NDST3: variants seen among roughly 807,000 people sequenced by gnomAD.
NDST3 encodes the protein bifunctional heparan sulfate N-deacetylase/N-sulfotransferase 3.
Under a neutral mutation model 96.1 loss-of-function variants are expected in NDST3, and 58 were observed. The observed-to-expected ratio is 0.60, with a 90% CI of 0.49 to 0.75. The LOEUF (loss-of-function observed/expected upper bound fraction) is 0.75, where lower values mean the gene tolerates loss of function less well. NDST3 is among the 30% of genes least tolerant of loss of function. The probability of loss-of-function intolerance (pLI) is 0.00; values close to 1 mark genes in which losing one functional copy is unlikely to be tolerated. For missense variants in NDST3, 788 were observed against 1,034.2 expected (o/e 0.76, Z 3.27); for synonymous variants, 333 against 359.7 (o/e 0.93, Z 0.84).
At position 118,232,995 on chromosome 4, in the gene NDST3, C is replaced by A; in HGVS notation, c.1820-17C>A. ...GTTTTCATTTAATTAATTTCTGAAC[C>A]TCTATTGTCTTTCTAGGTACCACTG... On this transcript the variant is annotated splice_polypyrimidine_tract_variant and intron_variant, in intron 8 of 13. Coordinates refer to ENST00000296499, the MANE Select transcript of NDST3 (RefSeq NM_004784.3). The A allele has an allele frequency of 6.2e-7, 1 of 1,602,360 alleles. No individual in the cohort carries two copies.
intron 6 of NDST3, among the ~76,000 whole-genome samples, chr4:118,164,693 T>C (rs1190211359): frequency 1.3e-5 from 2 of 152,128 alleles, no homozygotes; most frequent in Non-Finnish European, 2.9e-5. Flanking sequence ...TACTGTAATA[T>C]TTTAGTGGCT....
At chr4:118,188,543 T>C (rs1486867716) in intron 6 of NDST3, among the ~76,000 whole-genome samples, 1 of 152,086 alleles carries the variant, frequency 6.6e-6, no homozygotes, top group Non-Finnish European at 1.5e-5. Flanking sequence ...CGCAGATAAT[T>C]TGACTTGCAC....
chr4:118,054,829 G>T lies in NDST3; in HGVS notation c.919G>T (p.Val307Leu). The change falls in exon 2 of 14, where the codon GTG becomes TTG. Residue 307 changes from valine (V) to leucine (L), a missense_variant. Physicochemically the swap from Val to Leu is conservative, Grantham distance 32. This residue lies in a region of NDST3 where 490 missense variants were observed against 708.8 expected (regional missense o/e 0.69). Coordinates refer to ENST00000296499, the MANE Select transcript of NDST3 (RefSeq NM_004784.3). Reference sequence around the variant, plus strand: ...ATTGTCCTTGGACAGGTACATTCTTGTGGATATTGATGATATATTTGTGGG... The same window carrying T: ...ATTGTCCTTGGACAGGTACATTCTTTTGGATATTGATGATATATTTGTGGG... ...LTLSLDRYIL[V>L]DIDDIFVGKE... 1 of 1,612,932 alleles carries T rather than the reference G, an allele frequency of 6.2e-7. No individual in the cohort carries two copies. Among genetic ancestry groups the T allele is most frequent in the Non-Finnish European group, 8.5e-7 (1 of 1,179,264 alleles).
At chr4:118,210,200 C>T (rs866481128) in intron 6 of NDST3, among the ~76,000 whole-genome samples, 1 of 152,012 alleles carries the variant, frequency 6.6e-6, no homozygotes, top group South Asian at 2.1e-4. Context: ...GGGGTCATTG[C>T]CTGCTCTGCT....
At chr4:118,229,027 G>A (rs936279639) in intron 8 of NDST3, among the ~76,000 whole-genome samples, 1 of 152,268 alleles carries the variant, frequency 6.6e-6, no homozygotes, top group Non-Finnish European at 1.5e-5. Flanking sequence ...TGGGCCAGGC[G>A]TGGTGGCTCA....
At chr4:118,147,755 C>T (rs966543633) in intron 6 of NDST3, among the ~76,000 whole-genome samples, 1 of 152,136 alleles carries the variant, frequency 6.6e-6, no homozygotes, top group African/African-American at 2.4e-5. Flanking sequence ...CAGGTTTGTA[C>T]TTCTTGTGGG....
intron 6 of NDST3, among the ~76,000 whole-genome samples, chr4:118,224,280 G>T (rs1305767430): frequency 6.6e-6 from 1 of 151,906 alleles, no homozygotes; most frequent in East Asian, 1.9e-4. Context: ...AAATTTCAGG[G>T]AAAAAATGCT....
chr4:118,038,657 C>T (rs2110420658), intron 1 of NDST3, among the ~76,000 whole-genome samples: 1 of 152,252 alleles, frequency 6.6e-6, no homozygotes, highest in East Asian at 1.9e-4. Context: ...TTTAGCAAGT[C>T]CATGTAACAT....
chr4:118,107,094 T>TC (rs763368975), intron 3 of NDST3, among the ~76,000 whole-genome samples: 6,332 of 148,834 alleles, frequency 0.043, 264 homozygotes, highest in East Asian at 0.15. Flanking sequence ...CATCTCAAAA[T>TC]AATAATAATA....
chr4:118,229,098 C>T (rs1437459306), intron 8 of NDST3, among the ~76,000 whole-genome samples: 3 of 151,974 alleles, frequency 2.0e-5, no homozygotes, highest in South Asian at 4.2e-4. Context: ...GTCAGGAGTT[C>T]GACACCACCC....
At chr4:118,190,085 TGC>T (rs1418582868) in intron 6 of NDST3, among the ~76,000 whole-genome samples, 2 of 152,034 alleles carry the variant, frequency 1.3e-5, no homozygotes, top group African/African-American at 4.8e-5. Context: ...AAGCATATCT[TGC>T]TTTTGTTTAT....
intron 6 of NDST3, among the ~76,000 whole-genome samples, chr4:118,170,074 A>AAG (rs1735833234): frequency 1.3e-5 from 2 of 152,212 alleles, no homozygotes; most frequent in Non-Finnish European, 1.5e-5. Flanking sequence ...CAGAAGTCAC[A>AAG]GCATCACTTT....
At chr4:118,137,287 T>C (rs550069765) in intron 4 of NDST3, among the ~76,000 whole-genome samples, 19 of 151,982 alleles carry the variant, frequency 1.3e-4, no homozygotes, top group African/African-American at 4.3e-4. Context: ...ACTGAAGCCA[T>C]GGGTGTTCTA....
chr4:118,159,938 A>C (rs1483266497), intron 6 of NDST3, among the ~76,000 whole-genome samples: 1 of 152,186 alleles, frequency 6.6e-6, no homozygotes, highest in Non-Finnish European at 1.5e-5. Context: ...TCAAGTTTGC[A>C]AATATTTGTA....
intron 6 of NDST3, among the ~76,000 whole-genome samples, chr4:118,206,290 T>C (rs1738439990): frequency 6.9e-6 from 1 of 145,072 alleles, no homozygotes; most frequent in South Asian, 2.3e-4. Flanking sequence ...TTATTTATTC[T>C]GAGTGTACAC....
In NDST3 at chr4:118,204,785, C is replaced by T. The variant is rs1184848899; in HGVS notation, c.1540-19706C>T. 2.1e-5 allele frequency among the ~76,000 whole-genome samples: 3 copies of T among 144,214 alleles called. 1 individual carries two copies. The highest frequency in any genetic ancestry group is 7.7e-5 in the African/African-American group (3 of 39,018). 94.6% of individuals were successfully genotyped at this position (144,214 alleles called of 152,430 possible). A position where few individuals can be genotyped will look rare whatever the true frequency, so the allele number is the denominator to read the frequency against. Reference sequence around the variant, plus strand: ...ATATATATTCTCTAAGATATTGGCACTTCTAATAAAGTGGTTATTAAATAA... The same window carrying T: ...ATATATATTCTCTAAGATATTGGCATTTCTAATAAAGTGGTTATTAAATAA... On this transcript the variant is annotated intron_variant, in intron 6 of 13. Transcript: ENST00000296499.
At chr4:118,033,965 C>A (rs1724012661), upstream of NDST3, 1 of 152,232 alleles carries the variant, frequency 6.6e-6, no homozygotes. Flanking sequence ...CCGATCCGGG[C>A]GCCTTGGAAT....
At chr4:118,140,306 A>T (rs1322051766) in intron 5 of NDST3, among the ~76,000 whole-genome samples, 6 of 152,192 alleles carry the variant, frequency 3.9e-5, no homozygotes, top group Non-Finnish European at 5.9e-5. Flanking sequence ...TCAATACCTA[A>T]CTCATACCTA....
Position 118,053,783 on chromosome 4 carries a change from G to T in NDST3, c.-128G>T. 1.0e-6 allele frequency: 1 copy of T among 963,748 alleles called. No individual in the cohort carries two copies. Among genetic ancestry groups the T allele is most frequent in the South Asian group, 1.8e-5 (1 of 55,366 alleles). The allele number at this position is 963,748 out of a possible 1,614,324, so 59.7% of individuals were successfully genotyped here. ...TGTATTTTCTGTGAGTCCTGATCAA[G>T]TGATACAAATGAGCTGCAATGGTGA... is the stretch of plus-strand genomic sequence containing the variant. On this transcript the variant is annotated 5_prime_UTR_variant, in exon 2 of 14. Transcript: ENST00000296499.
Sources: gnomAD v4.1 joint callset for allele counts (sites outside exome capture counted in the v4.1 genomes callset) on GRCh38, gnomAD v4.1.1 for gene constraint, gnomAD v4.1.1 regional missense constraint, MANE v1.5 for transcripts, NCBI Gene and HGNC (gene_info 2026-07-23, HGNC 2026-07-21) for gene names.